The following CEP57 variants were observed in gnomAD, a reference collection of about 807,000 sequenced individuals.
The protein encoded by CEP57 is centrosomal protein of 57 kDa.
Under a neutral mutation model 68.0 loss-of-function variants are expected in CEP57, and 40 were observed. The observed-to-expected ratio is 0.59, with a 90% confidence interval of 0.46 to 0.77. The LOEUF is 0.77. Ranked by LOEUF, CEP57 falls within the 30% of genes least tolerant of loss-of-function variation. CEP57 has a pLI of 0.00. For synonymous variants in CEP57, 219 were observed against 198.7 expected, an observed-to-expected ratio of 1.10 and a Z score of -0.86; for missense variants, 606 against 580.7, an observed-to-expected ratio of 1.04 and a Z score of -0.45.
chr11:95,794,431 TA>T, intron 1 of CEP57: 1 of 414,124 alleles, frequency 2.4e-6, no homozygotes, highest in Non-Finnish European at 4.9e-6. Context: ...CAACCCTCTT[TA>T]TTTTATGTCC....
At chr11:95,819,049 A>C in intron 6 of CEP57, 145 bp downstream of exon 6, 2 of 684,256 alleles carry the variant, frequency 2.9e-6, no homozygotes, top group South Asian at 3.4e-5. Context: ...TAATGTAGAA[A>C]ATTATGAACA....
intron 2 of CEP57, among the ~76,000 whole-genome samples, chr11:95,806,495 T>C (rs1425549253): frequency 1.3e-5 from 2 of 152,114 alleles, no homozygotes; most frequent in African/African-American, 4.8e-5. Context: ...TGACACACAG[T>C]ACCTGGAAAA....
In CEP57 at chr11:95,817,896, T is replaced by C. The variant is rs1862367024; in HGVS notation, c.614T>C (p.Leu205Pro). ...EYNKLTTMQA[L>P]AEKKMQELEA... Reference sequence around the variant, plus strand: ...AACAAACTTACCACAATGCAGGCCCTTGCAGAAGTCAGTGCATGTGTCTTT... The same window carrying C: ...AACAAACTTACCACAATGCAGGCCCCTGCAGAAGTCAGTGCATGTGTCTTT... The change falls in exon 5 of 11, where the codon CTT becomes CCT. Residue 205 changes from leucine to proline, a missense_variant. By Grantham distance (98) the Leu-to-Pro change is moderately conservative. Coordinates refer to ENST00000325542, the MANE Select transcript of CEP57 (RefSeq NM_014679.5). 1 of 1,603,246 alleles carries C rather than the reference T, an allele frequency of 6.2e-7. No individual in the cohort carries two copies. Among genetic ancestry groups the C allele is most frequent in the Non-Finnish European group, 8.5e-7 (1 of 1,170,204 alleles).
chr11:95,816,521 A>C (rs1330403173), intron 4 of CEP57, among the ~76,000 whole-genome samples: 1 of 152,228 alleles, frequency 6.6e-6, no homozygotes, highest in African/African-American at 2.4e-5. Context: ...TTTGACTAAT[A>C]TATGTCTTGG....
intron 2 of CEP57, among the ~76,000 whole-genome samples, chr11:95,810,761 AG>A (rs552926204): frequency 8.5e-4 from 129 of 152,336 alleles, no homozygotes; most frequent in African/African-American, 3.0e-3. Flanking sequence ...TCGTGGAAAT[AG>A]CCATACTGCC....
At chr11:95,793,136 A>C (rs1325458244) in intron 1 of CEP57, among the ~76,000 whole-genome samples, 2 of 152,232 alleles carry the variant, frequency 1.3e-5, no homozygotes, top group Non-Finnish European at 2.9e-5. Context: ...AGCAGTGACC[A>C]TGTAAATCTC....
At chr11:95,824,596 C>T (rs1485909377) in intron 8 of CEP57, among the ~76,000 whole-genome samples, 2 of 152,068 alleles carry the variant, frequency 1.3e-5, no homozygotes, top group East Asian at 1.9e-4. Context: ...CCCAAGATAC[C>T]ATTAAGAAAA....
At chr11:95,807,154 T>C (rs1224770737) in intron 2 of CEP57, among the ~76,000 whole-genome samples, 1 of 151,710 alleles carries the variant, frequency 6.6e-6, no homozygotes, top group Non-Finnish European at 1.5e-5. Context: ...CAGCTGAGGG[T>C]CCTGACTGTT....
chr11:95,803,904 A>G (rs1861684639), intron 2 of CEP57, among the ~76,000 whole-genome samples: 1 of 152,126 alleles, frequency 6.6e-6, no homozygotes, highest in Non-Finnish European at 1.5e-5. Context: ...AGATTTGTCA[A>G]AGGATAGTAA....
At chr11:95,825,593 C>CT (rs540463994) in intron 8 of CEP57, 3,523 of 129,700 alleles carry the variant, frequency 0.027, 103 homozygotes, top group African/African-American at 0.064. Context: ...CTGCTTTTGA[C>CT]TTTTTTTTTT....
chr11:95,811,077 AT>A, intron 2 of CEP57, among the ~76,000 whole-genome samples: 1 of 152,184 alleles, frequency 6.6e-6, no homozygotes. Flanking sequence ...CAGCCATCCC[AT>A]TACTGGGCAT....
intron 3 of CEP57, 45 bp from the exon 4 acceptor site, chr11:95,813,423 T>C (rs201398728): frequency 8.7e-6 from 14 of 1,601,182 alleles, no homozygotes; most frequent in Middle Eastern, 2.0e-4. Flanking sequence ...TTAAAACTAT[T>C]TTATGGGTGA....
chr11:95,819,819 GTGCATCTCTAA>G (rs1862448953), intron 6 of CEP57, among the ~76,000 whole-genome samples: 1 of 152,174 alleles, frequency 6.6e-6, no homozygotes. Context: ...ATTTCTTCTA[GTGCATCTCTAA>G]ATTTATTGAC....
chr11:95,809,388 C>T (rs1591061663), intron 2 of CEP57, among the ~76,000 whole-genome samples: 1 of 152,052 alleles, frequency 6.6e-6, no homozygotes, highest in Non-Finnish European at 1.5e-5. Context: ...CACAAAAAAC[C>T]CTTCAAAAAA....
rs117030670 is a variant in CEP57 at position 95,803,751 on chromosome 11, T to A, written c.202+4363T>A. Reference sequence around the variant, plus strand: ...TTTTCTAGCTACAAAAGAGCTTTTTTTTTGCCTAGCAGGAAACATTACTAA... The same window carrying A: ...TTTTCTAGCTACAAAAGAGCTTTTTATTTGCCTAGCAGGAAACATTACTAA... On this transcript the variant is annotated intron_variant, in intron 2 of 10. Transcript: ENST00000325542. Among the ~76,000 whole-genome samples the A allele has an allele frequency of 5.4e-3, 827 of 152,026 alleles. 6 individuals are homozygous for A. Among genetic ancestry groups the A allele is most frequent in the Non-Finnish European group, 9.0e-3 (613 of 67,952 alleles).
At chr11:95,809,299 A>G (rs1861947282) in intron 2 of CEP57, among the ~76,000 whole-genome samples, 1 of 152,198 alleles carries the variant, frequency 6.6e-6, no homozygotes, top group Non-Finnish European at 1.5e-5. Context: ...AGAACTAGAA[A>G]AGCAAGAGCA....
At chr11:95,811,753 A>G (rs1161137467) in intron 2 of CEP57, among the ~76,000 whole-genome samples, 1 of 152,214 alleles carries the variant, frequency 6.6e-6, no homozygotes, top group African/African-American at 2.4e-5. Context: ...AATAACATAT[A>G]TGAAAAGATT....
At chr11:95,809,200 G>A (rs1861943210) in intron 2 of CEP57, among the ~76,000 whole-genome samples, 1 of 151,958 alleles carries the variant, frequency 6.6e-6, no homozygotes, top group African/African-American at 2.4e-5. Flanking sequence ...CACATTCAAA[G>A]CAGTGTGTAG....
chr11:95,801,167 A>G (rs954914460), intron 2 of CEP57, among the ~76,000 whole-genome samples: 2 of 152,194 alleles, frequency 1.3e-5, no homozygotes, highest in African/African-American at 2.4e-5. Context: ...CAAGTAGGTA[A>G]TGATATCCAA....
Sources: allele counts gnomAD v4.1 joint callset (sites outside exome capture counted in the v4.1 genomes callset), GRCh38; gene constraint gnomAD v4.1.1; transcripts MANE v1.5; gene names NCBI Gene and HGNC (gene_info 2026-07-23, HGNC 2026-07-21).